The following NELL1 variants were observed in gnomAD, a reference collection of about 807,000 sequenced individuals.
NELL1 encodes the protein protein kinase C-binding protein NELL1.
A neutral mutation model predicts 107.4 loss-of-function variants in NELL1; 76 were observed. The observed-to-expected ratio is 0.71, with a 90% confidence interval of 0.59 to 0.86. The LOEUF (loss-of-function observed/expected upper bound fraction) is 0.86. NELL1 is among the 40% of genes least tolerant of loss of function. The pLI is 0.00. For missense variants in NELL1, 1,024 were observed against 1,005.5 expected, an observed-to-expected ratio of 1.02 and a Z score of -0.25; for synonymous variants, 353 against 341.2, an observed-to-expected ratio of 1.03 and a Z score of -0.38.
At chr11:21,074,220 C>A (rs139019526) in intron 12 of NELL1, among the ~76,000 whole-genome samples, 77 of 152,216 alleles carry the variant, frequency 5.1e-4, no homozygotes, top group Non-Finnish European at 1.0e-3. Context: ...CCTCCCAGAC[C>A]TACTGAATCA....
At chr11:21,450,532 A>G (rs796477171) in intron 15 of NELL1, among the ~76,000 whole-genome samples, 15 of 152,316 alleles carry the variant, frequency 9.8e-5, no homozygotes, top group African/African-American at 3.6e-4. Flanking sequence ...ATCTGGATGA[A>G]AATTAGAAAT....
chr11:21,054,858 C>A (rs1853576140), intron 12 of NELL1, among the ~76,000 whole-genome samples: 1 of 151,956 alleles, frequency 6.6e-6, no homozygotes, highest in African/African-American at 2.4e-5. Context: ...TCTTAATTTT[C>A]TTTAATGGTG....
chr11:20,766,628 A>T (rs985285451), intron 2 of NELL1, among the ~76,000 whole-genome samples: 2 of 152,146 alleles, frequency 1.3e-5, no homozygotes, highest in Non-Finnish European at 2.9e-5. Flanking sequence ...TTTTGTCAAC[A>T]TGTACTTTGG....
intron 12 of NELL1, among the ~76,000 whole-genome samples, chr11:21,093,816 G>A (rs1399414716): frequency 6.6e-6 from 1 of 152,136 alleles, no homozygotes; most frequent in Non-Finnish European, 1.5e-5. Context: ...TTGCCCCCAT[G>A]ATTCAATTAC....
intron 14 of NELL1, among the ~76,000 whole-genome samples, chr11:21,235,607 T>A (rs1464716376): frequency 6.6e-6 from 1 of 152,278 alleles, no homozygotes; most frequent in East Asian, 1.9e-4. Context: ...TATAAGAAAT[T>A]TGACTTTCGA....
At chr11:21,240,363 G>A (rs867166595) in intron 14 of NELL1, among the ~76,000 whole-genome samples, 5 of 151,800 alleles carry the variant, frequency 3.3e-5, no homozygotes, top group South Asian at 2.1e-4. Context: ...TAGATGTGGG[G>A]GTATTAGTTA....
At chr11:21,384,424 T>C (rs1851687126) in intron 15 of NELL1, among the ~76,000 whole-genome samples, 1 of 150,228 alleles carries the variant, frequency 6.7e-6, no homozygotes, top group East Asian at 2.0e-4. Context: ...ATTGTCTTCT[T>C]GATTTTCTTT....
At chr11:21,363,699 C>G (rs1385235348) in intron 14 of NELL1, among the ~76,000 whole-genome samples, 1 of 152,146 alleles carries the variant, frequency 6.6e-6, no homozygotes, top group East Asian at 1.9e-4. Context: ...GATATAGTTA[C>G]TATAAGACTA....
chr11:21,498,796 C>T (rs961549671), intron 15 of NELL1, among the ~76,000 whole-genome samples: 1 of 151,986 alleles, frequency 6.6e-6, no homozygotes, highest in Non-Finnish European at 1.5e-5. Context: ...TACATATTTT[C>T]ACTGCTGCTT....
chr11:21,196,047 G>A (rs116233235), intron 13 of NELL1, among the ~76,000 whole-genome samples: 1,562 of 152,300 alleles, frequency 0.01, 29 homozygotes, highest in African/African-American at 0.035. Flanking sequence ...TCTACATCTT[G>A]TGTGTATGAT....
chr11:21,167,094 T>C (rs1856500668), intron 13 of NELL1, among the ~76,000 whole-genome samples: 1 of 151,848 alleles, frequency 6.6e-6, no homozygotes, highest in South Asian at 2.1e-4. Flanking sequence ...ATAATATACA[T>C]ACATAAGGTT....
intron 14 of NELL1, among the ~76,000 whole-genome samples, chr11:21,236,683 C>A (rs543235131): frequency 5.3e-4 from 81 of 152,208 alleles, no homozygotes; most frequent in Non-Finnish European, 9.9e-4. Context: ...GTCTAGCTTC[C>A]TTTTTGCATA....
chr11:20,759,182 A>C (rs1359884625), intron 2 of NELL1, among the ~76,000 whole-genome samples: 2 of 152,192 alleles, frequency 1.3e-5, no homozygotes, highest in Non-Finnish European at 2.9e-5. Context: ...CATTGCTTTT[A>C]ACTCAACTCT....
intron 3 of NELL1, among the ~76,000 whole-genome samples, chr11:20,785,232 T>G (rs570437243): frequency 5.3e-5 from 8 of 152,332 alleles, no homozygotes; most frequent in African/African-American, 1.9e-4. Context: ...TCAACAGTTT[T>G]GTCTTTAATG....
intron 9 of NELL1, among the ~76,000 whole-genome samples, chr11:20,932,173 T>C (rs956431449): frequency 2.0e-5 from 3 of 152,098 alleles, no homozygotes; most frequent in Non-Finnish European, 4.4e-5. Context: ...TTAAAATCCT[T>C]TGGTGAACTT....
At chr11:21,320,784 C>G (rs1000774256) in intron 14 of NELL1, among the ~76,000 whole-genome samples, 1 of 152,142 alleles carries the variant, frequency 6.6e-6, no homozygotes, top group Non-Finnish European at 1.5e-5. Context: ...TTCCATTCCA[C>G]TTGCTGCTGT....
intron 12 of NELL1, among the ~76,000 whole-genome samples, chr11:21,089,240 A>G (rs1590625667): frequency 6.6e-6 from 1 of 152,380 alleles, no homozygotes; most frequent in East Asian, 1.9e-4. Flanking sequence ...GTAGTAGCCA[A>G]GTGGAAATTG....
intron 9 of NELL1, among the ~76,000 whole-genome samples, chr11:20,937,451 C>T (rs1185525882): frequency 6.6e-6 from 1 of 152,210 alleles, no homozygotes; most frequent in Non-Finnish European, 1.5e-5. Context: ...ATCAAAGCTA[C>T]TGCTAACTGT....
At chr11:20,922,336 G>A (rs113534507) in intron 7 of NELL1, among the ~76,000 whole-genome samples, 1 of 151,876 alleles carries the variant, frequency 6.6e-6, no homozygotes, top group African/African-American at 2.4e-5. Flanking sequence ...TCTTCCTTTT[G>A]TATTAGCTCT....
Sources: allele counts gnomAD v4.1 joint callset (sites outside exome capture counted in the v4.1 genomes callset), GRCh38; gene constraint gnomAD v4.1.1; transcripts MANE v1.5; gene names NCBI Gene and HGNC (gene_info 2026-07-23, HGNC 2026-07-21).